ATRNL1: variants seen among roughly 807,000 people sequenced by gnomAD.
ATRNL1 encodes attractin like 1.
Under a neutral mutation model 182.7 loss-of-function variants are expected in ATRNL1, and 95 were observed. The ratio of observed to expected loss-of-function variants is 0.52; its 90% CI spans 0.44 to 0.62. The LOEUF (loss-of-function observed/expected upper bound fraction) is 0.62, where lower values mean the gene tolerates loss of function less well. Ranked by LOEUF, ATRNL1 falls within the 20% of genes least tolerant of loss-of-function variation. The probability of loss-of-function intolerance (pLI) is 0.00; values close to 1 mark genes in which losing one functional copy is unlikely to be tolerated. For synonymous variants in ATRNL1, 576 were observed against 568.3 expected, an observed-to-expected ratio of 1.01 and a Z score of -0.19; for missense variants, 1,471 against 1,679.5, an observed-to-expected ratio of 0.88 and a Z score of 2.17.
intron 26 of ATRNL1, among the ~76,000 whole-genome samples, chr10:115,614,800 G>A (rs773169626): frequency 2.2e-4 from 33 of 151,754 alleles, no homozygotes; most frequent in African/African-American, 8.0e-4. Context: ...TTTGTTCTTC[G>A]ACTTAAAATA....
intron 28 of ATRNL1, among the ~76,000 whole-genome samples, chr10:115,874,222 C>G (rs1255070093): frequency 1.5e-4 from 23 of 152,256 alleles, no homozygotes; most frequent in African/African-American, 5.5e-4. Context: ...TCTTAGAAAG[C>G]AGCATCCATA....
At chr10:115,513,751 G>C (rs1156817787) in intron 24 of ATRNL1, among the ~76,000 whole-genome samples, 2 of 151,530 alleles carry the variant, frequency 1.3e-5, no homozygotes, top group African/African-American at 4.8e-5. Context: ...TTTTCCATAG[G>C]CAATTTCCTG....
chr10:115,432,529 C>T (rs1425640287), intron 21 of ATRNL1, among the ~76,000 whole-genome samples: 1 of 152,042 alleles, frequency 6.6e-6, no homozygotes, highest in Non-Finnish European at 1.5e-5. Flanking sequence ...AAGATTAGAT[C>T]GAAATTTAAG....
At chr10:115,335,760 A>G (rs1554936489) in intron 19 of ATRNL1, among the ~76,000 whole-genome samples, 1 of 152,192 alleles carries the variant, frequency 6.6e-6, no homozygotes, top group African/African-American at 2.4e-5. Flanking sequence ...TACAATGCCT[A>G]TATTTCACTT....
intron 5 of ATRNL1, among the ~76,000 whole-genome samples, chr10:115,153,522 A>T (rs548724335): frequency 2.0e-5 from 3 of 152,008 alleles, no homozygotes; most frequent in Non-Finnish European, 4.4e-5. Flanking sequence ...GTATTTTCTG[A>T]TGGTAGTTTG....
chr10:115,661,370 C>A (rs1292125486), intron 26 of ATRNL1, among the ~76,000 whole-genome samples: 1 of 152,004 alleles, frequency 6.6e-6, no homozygotes, highest in East Asian at 1.9e-4. Flanking sequence ...TTTAAGTGTT[C>A]TCCTGATATA....
At chr10:115,269,856 T>C (rs941670798) in intron 13 of ATRNL1, among the ~76,000 whole-genome samples, 8 of 150,118 alleles carry the variant, frequency 5.3e-5, no homozygotes, top group Admixed American at 2.7e-4. Flanking sequence ...CACTAATTAA[T>C]AATTCAAAAT....
intron 25 of ATRNL1, among the ~76,000 whole-genome samples, chr10:115,533,174 A>G (rs1220848467): frequency 2.6e-5 from 4 of 152,010 alleles, no homozygotes; most frequent in Admixed American, 1.3e-4. Context: ...TTCAGAAGGA[A>G]TGGTACCAGT....
intron 26 of ATRNL1, among the ~76,000 whole-genome samples, chr10:115,633,341 A>G (rs74161614): frequency 0.022 from 3,415 of 152,300 alleles, 120 homozygotes; most frequent in African/African-American, 0.078. Context: ...ATGCTAATGT[A>G]AGTATTTTTA....
chr10:115,799,639 C>T (rs888565383), intron 27 of ATRNL1, among the ~76,000 whole-genome samples: 7 of 152,108 alleles, frequency 4.6e-5, no homozygotes, highest in South Asian at 2.1e-4. Flanking sequence ...TAGGTGGTGC[C>T]GAACTTCAGC....
chr10:115,381,655 TTTATTGTCCTC>T (rs1453287298), intron 19 of ATRNL1, among the ~76,000 whole-genome samples: 1 of 152,020 alleles, frequency 6.6e-6, no homozygotes, highest in Non-Finnish European at 1.5e-5. Flanking sequence ...TATTCCATTC[TTTATTGTCCTC>T]TTATTTTTTT....
At chr10:115,111,033 C>T (rs1405732602) in intron 1 of ATRNL1, among the ~76,000 whole-genome samples, 1 of 152,182 alleles carries the variant, frequency 6.6e-6, no homozygotes, top group East Asian at 1.9e-4. Flanking sequence ...TTCCAGTCTA[C>T]CATTTGAGCC....
chr10:115,369,335 G>C lies in ATRNL1; in HGVS notation c.3176-25324G>C, dbSNP rs557301412. 1.3e-3 allele frequency among the ~76,000 whole-genome samples: 195 copies of C among 151,076 alleles called. 1 individual carries two copies. Among genetic ancestry groups the C allele is most frequent in the African/African-American group, 4.4e-3 (182 of 41,104 alleles). ...GAAGGGGGTTCCATGAGGGGATGGG[G>C]GTTCTGTGAAGGGGATAGGATTCTG... is the stretch of plus-strand genomic sequence containing the variant. On this transcript the variant is annotated intron_variant, in intron 19 of 28. Transcript: ENST00000355044.
At chr10:115,528,045 C>CCCTCCTTCCTTT (rs1851348268) in intron 25 of ATRNL1, among the ~76,000 whole-genome samples, 1 of 41,418 alleles carries the variant, frequency 2.4e-5, no homozygotes, top group Non-Finnish European at 5.4e-5. Flanking sequence ...TTTCTTCCTT[C>CCCTCCTTCCTTT]CTTCCTTCCT....
chr10:115,160,319 G>T (rs782218144), intron 6 of ATRNL1, 105 bp downstream of exon 6: 2 of 1,088,946 alleles, frequency 1.8e-6, no homozygotes, highest in African/African-American at 1.6e-5. Flanking sequence ...TTATTTTTGT[G>T]GTAGTGTCTA....
At chr10:115,886,285 C>A (rs1403423798) in intron 28 of ATRNL1, among the ~76,000 whole-genome samples, 4 of 152,198 alleles carry the variant, frequency 2.6e-5, no homozygotes, top group Admixed American at 6.5e-5. Context: ...AGACAGCAAT[C>A]AAGGCTCTCA....
chr10:115,301,899 C>G lies in ATRNL1; in HGVS notation c.2674C>G (p.Leu892Val). 1 of 1,613,528 alleles carries G rather than the reference C, an allele frequency of 6.2e-7. No homozygotes were observed. The highest frequency in any genetic ancestry group is 8.5e-7 in the Non-Finnish European group (1 of 1,179,748). Residue 892 changes from leucine to valine, a missense_variant, in exon 17 of 29, where the codon CTG becomes GTG. Physicochemically the swap from Leu to Val is conservative, Grantham distance 32. This residue lies in a region of ATRNL1 where 1,031 missense variants were observed against 1,156.0 expected (regional missense o/e 0.89). Coordinates refer to ENST00000355044, the MANE Select transcript of ATRNL1 (RefSeq NM_207303.4). ...GAGGCCGTGCAAAAAGCCATGCTCT[C>G]TGAGGACATCATGTTCCAACTGTAC... ...NARPCKKPCS[L>V]RTSCSNCTSN...
At chr10:115,171,705 A>G (rs1847302378) in intron 8 of ATRNL1, among the ~76,000 whole-genome samples, 1 of 151,884 alleles carries the variant, frequency 6.6e-6, no homozygotes, top group African/African-American at 2.4e-5. Context: ...ATCTTTATGT[A>G]TGTATTACTT....
chr10:115,582,825 C>T (rs1485391729), intron 26 of ATRNL1, among the ~76,000 whole-genome samples: 1 of 151,118 alleles, frequency 6.6e-6, no homozygotes, highest in Non-Finnish European at 1.5e-5. Flanking sequence ...TTGCCCATGC[C>T]TATGTCCTGA....
Sources: gnomAD v4.1 joint callset for allele counts (sites outside exome capture counted in the v4.1 genomes callset) on GRCh38, gnomAD v4.1.1 for gene constraint, gnomAD v4.1.1 regional missense constraint, MANE v1.5 for transcripts, NCBI Gene and HGNC (gene_info 2026-07-23, HGNC 2026-07-21) for gene names.